Variants in CDCP1 observed in about 807,000 individuals in gnomAD.
The protein encoded by CDCP1 is CUB domain-containing protein 1.
A neutral mutation model predicts 60.2 loss-of-function variants in CDCP1; 29 were observed. The ratio of observed to expected loss-of-function variants is 0.48; its 90% CI spans 0.36 to 0.66. CDCP1 has a LOEUF of 0.66. CDCP1 is among the 30% of genes least tolerant of loss of function. The pLI is 0.00. For synonymous variants in CDCP1, 387 were observed against 431.1 expected (o/e 0.90, Z 1.27); for missense variants, 876 against 1,074.3 (o/e 0.82, Z 2.58).
intron 2 of CDCP1, among the ~76,000 whole-genome samples, chr3:45,113,409 TGA>T (rs1453260944): frequency 6.6e-6 from 1 of 152,068 alleles, no homozygotes; most frequent in Non-Finnish European, 1.5e-5. Context: ...AAGAGGAAAG[TGA>T]GGGGACGAAA....
intron 7 of CDCP1, among the ~76,000 whole-genome samples, chr3:45,090,214 G>C (rs187715774): frequency 7.9e-5 from 12 of 152,272 alleles, no homozygotes; most frequent in Middle Eastern, 3.4e-3. Context: ...GAAAGGGAAA[G>C]GGAAAAAAGC....
intron 1 of CDCP1, among the ~76,000 whole-genome samples, chr3:45,130,014 CA>C (rs1335146437): frequency 1.3e-5 from 2 of 148,706 alleles, no homozygotes; most frequent in African/African-American, 5.2e-5. Context: ...TAGAATGTTC[CA>C]AATCTTGGTA....
intron 1 of CDCP1, among the ~76,000 whole-genome samples, chr3:45,132,690 A>G (rs1275293556): frequency 2.0e-5 from 3 of 152,232 alleles, no homozygotes; most frequent in Non-Finnish European, 4.4e-5. Context: ...GGCTAAAAAC[A>G]TCAACTGTGC....
chr3:45,146,326 G>T lies in CDCP1; in HGVS notation c.-39C>A. 6.6e-7 allele frequency: 1 copy of T among 1,515,302 alleles called. No individual in the cohort carries two copies. Among genetic ancestry groups the T allele is most frequent in the Non-Finnish European group, 8.8e-7 (1 of 1,132,800 alleles). 93.9% of individuals were successfully genotyped at this position (1,515,302 alleles called of 1,614,324 possible). A position where few individuals can be genotyped will look rare whatever the true frequency, so the allele number is the denominator to read the frequency against. On this transcript the variant is annotated 5_prime_UTR_variant, in exon 1 of 9. Coordinates refer to ENST00000296129, the MANE Select transcript of CDCP1 (RefSeq NM_022842.5). ...CTCGGCCTCGGTGGGGAAAACGACGGTGGGGAGCGGCGGCCCCAGGCGCCC... is the reference window on the plus strand; with the variant it reads ...CTCGGCCTCGGTGGGGAAAACGACGTTGGGGAGCGGCGGCCCCAGGCGCCC...
chr3:45,144,262 A>C (rs1699343846), intron 1 of CDCP1, among the ~76,000 whole-genome samples: 3 of 152,092 alleles, frequency 2.0e-5, no homozygotes, highest in Admixed American at 2.0e-4. Context: ...TGGATTTATA[A>C]AACAAATCCA....
chr3:45,088,712 C>T (rs1019816915), intron 8 of CDCP1, among the ~76,000 whole-genome samples: 4 of 152,170 alleles, frequency 2.6e-5, no homozygotes, highest in African/African-American at 9.7e-5. Flanking sequence ...GAGGCACAGT[C>T]TGGCAGAGCC....
At chr3:45,125,207 C>T (rs1698957519) in intron 1 of CDCP1, among the ~76,000 whole-genome samples, 2 of 152,156 alleles carry the variant, frequency 1.3e-5, no homozygotes, top group Admixed American at 6.5e-5. Context: ...TCCTTGGAGC[C>T]ACTCTGGGGA....
Position 45,085,746 on chromosome 3 carries a change from A to G in CDCP1, c.2403T>C (p.Ser801=), listed in dbSNP as rs1576071352. The G allele has an allele frequency of 6.2e-7, 1 of 1,614,194 alleles. No homozygotes were observed. The highest frequency in any genetic ancestry group is 1.3e-5 in the African/African-American group (1 of 75,040). Residue 801 remains serine (S), a synonymous_variant, in exon 9 of 9, where the codon TCT becomes TCC. Coordinates refer to ENST00000296129, the MANE Select transcript of CDCP1 (RefSeq NM_022842.5). The surrounding 1 kb of genome is among the most constrained non-coding windows in gnomAD (Gnocchi z 4.2). ...EEPPPRSPPE[S]ESEPYTFSHP... ...GGGAGAAGGTGTACGGTTCACTCTC[A>G]GACTCAGGAGGGGAGCGAGGAGGTG...
At position 45,091,314 on chromosome 3, in the gene CDCP1, T is replaced by G; in HGVS notation, c.1852A>C (p.Ile618Leu). The change falls in exon 7 of 9, where the codon ATC (isoleucine) becomes CTC (leucine). Residue 618 changes from isoleucine (I) to leucine (L), a missense_variant. Ile to Leu is a conservative substitution (Grantham distance 5). Coordinates refer to ENST00000296129, the MANE Select transcript of CDCP1 (RefSeq NM_022842.5). This position sits in a 1 kb window ranked among gnomAD's most constrained non-coding sequence, Gnocchi z 4.8. ...IQEQRTRAEE[I>L]FSLDEDVLPK... Reference sequence around the variant, plus strand: ...AGCACATCCTCGTCCAGGCTGAAGATCTCCTCAGCCCGGGTCCGCTGCTCC... The same window carrying G: ...AGCACATCCTCGTCCAGGCTGAAGAGCTCCTCAGCCCGGGTCCGCTGCTCC... 6.2e-7 allele frequency: 1 copy of G among 1,614,000 alleles called. No individual in the cohort carries two copies. The highest frequency in any genetic ancestry group is 8.5e-7 in the Non-Finnish European group (1 of 1,180,006).
intron 1 of CDCP1, among the ~76,000 whole-genome samples, chr3:45,134,811 C>T (rs1451563843): frequency 6.6e-6 from 1 of 151,980 alleles, no homozygotes; most frequent in African/African-American, 2.4e-5. Context: ...ACATGCCTTC[C>T]TCACCCAGAG....
At chr3:45,103,354 C>T (rs1010348053) in intron 4 of CDCP1, among the ~76,000 whole-genome samples, 1 of 152,114 alleles carries the variant, frequency 6.6e-6, no homozygotes, top group South Asian at 2.1e-4. Context: ...ACTCCATGAG[C>T]GAGCATATCA....
chr3:45,131,275 T>C (rs1699089183), intron 1 of CDCP1, among the ~76,000 whole-genome samples: 3 of 152,184 alleles, frequency 2.0e-5, no homozygotes, highest in Admixed American at 1.3e-4. Context: ...AAATATTTCT[T>C]TTTGCTTTTT....
At position 45,095,314 on chromosome 3, in the gene CDCP1, G is replaced by A. The variant is rs771807391; in HGVS notation, c.1246+33C>T. ...GGCGGGGAGAGAAGAGCTATCCATG[G>A]CCAGGGACAAATGCACTGATTCAGG... On this transcript the variant is annotated intron_variant, in intron 5 of 8. Coordinates refer to ENST00000296129, the MANE Select transcript of CDCP1 (RefSeq NM_022842.5). 6.3e-6 allele frequency: 10 copies of A among 1,590,634 alleles called. No homozygotes were observed. The African/African-American group carries it at 9.4e-5, about 15-fold the overall frequency.
At chr3:45,118,334 T>G in intron 2 of CDCP1, 78 bp downstream of exon 2, 1 of 1,093,266 alleles carries the variant, frequency 9.1e-7, no homozygotes, top group South Asian at 1.3e-5. Flanking sequence ...AGAGACTGAC[T>G]TAGCATGGGA....
chr3:45,096,840 T>C (rs190135738), intron 4 of CDCP1, among the ~76,000 whole-genome samples: 39 of 152,128 alleles, frequency 2.6e-4, no homozygotes, highest in Admixed American at 6.5e-5. Flanking sequence ...TGACTGTGGT[T>C]ACCCCAGAGG....
intron 1 of CDCP1, among the ~76,000 whole-genome samples, chr3:45,135,907 G>A (rs533775276): frequency 6.6e-6 from 1 of 152,296 alleles, no homozygotes; most frequent in African/African-American, 2.4e-5. Context: ...GAGGGTGCAA[G>A]CTCTATCAAA....
rs377503978 is a variant in CDCP1 at position 45,146,298 on chromosome 3, C to G, written c.-11G>C. The G allele has an allele frequency of 1.4e-4, 218 of 1,562,832 alleles. No homozygotes were observed. The highest frequency in any genetic ancestry group is 1.9e-4 in the Admixed American group (10 of 53,590). On this transcript the variant is annotated 5_prime_UTR_variant, in exon 1 of 9. Coordinates refer to ENST00000296129, the MANE Select transcript of CDCP1 (RefSeq NM_022842.5). Reference sequence around the variant, plus strand: ...GTTCAGGCCGGCCATGACTCCGGGACGCCTCGGCCTCGGTGGGGAAAACGA... The same window carrying G: ...GTTCAGGCCGGCCATGACTCCGGGAGGCCTCGGCCTCGGTGGGGAAAACGA...
At chr3:45,111,564 T>G (rs1020892131) in intron 3 of CDCP1, among the ~76,000 whole-genome samples, 2 of 152,174 alleles carry the variant, frequency 1.3e-5, no homozygotes, top group African/African-American at 4.8e-5. Context: ...TAGTCCCAGC[T>G]ACTTGGGAGG....
chr3:45,140,017 C>T (rs1447662563), intron 1 of CDCP1, among the ~76,000 whole-genome samples: 1 of 152,184 alleles, frequency 6.6e-6, no homozygotes, highest in Non-Finnish European at 1.5e-5. Flanking sequence ...TTGAAATGGC[C>T]AGATGTTCCC....
Sources: allele counts gnomAD v4.1 joint callset (sites outside exome capture counted in the v4.1 genomes callset), GRCh38; gene constraint gnomAD v4.1.1; non-coding constraint Gnocchi (gnomAD v3.1); transcripts MANE v1.5; gene names NCBI Gene and HGNC (gene_info 2026-07-23, HGNC 2026-07-21).